The following CXADR variants were observed in gnomAD, a reference collection of about 807,000 sequenced individuals.
CXADR encodes CXADR cell adhesion molecule.
CXADR carries 20 observed loss-of-function variants against 40.3 expected under a neutral mutation model. The observed-to-expected ratio is 0.50, with a 90% CI of 0.35 to 0.72. The LOEUF (loss-of-function observed/expected upper bound fraction) is 0.72. Ranked by LOEUF, CXADR falls within the 30% of genes least tolerant of loss-of-function variation. The pLI, the probability that CXADR is intolerant of heterozygous loss-of-function variation, is 0.01. For missense variants in CXADR, 332 were observed against 449.1 expected (o/e 0.74, Z 2.36); for synonymous variants, 150 against 161.3 (o/e 0.93, Z 0.53).
chr21:17,553,294 C>T (rs2060992992), intron 3 of CXADR, among the ~76,000 whole-genome samples: 1 of 152,196 alleles, frequency 6.6e-6, no homozygotes, highest in African/African-American at 2.4e-5. Flanking sequence ...AACTATTACT[C>T]CTAGAGACTA....
At chr21:17,563,963 GT>G (rs2061164799) in intron 6 of CXADR, among the ~76,000 whole-genome samples, 1 of 72,830 alleles carries the variant, frequency 1.4e-5, no homozygotes, top group Non-Finnish European at 3.4e-5. Flanking sequence ...AAAAAAAAAG[GT>G]ATTGATACAT....
chr21:17,539,880 A>G (rs1318782565), intron 1 of CXADR, among the ~76,000 whole-genome samples: 3 of 152,172 alleles, frequency 2.0e-5, no homozygotes, highest in East Asian at 1.9e-4. Context: ...AGTATACCCT[A>G]TCCATGATGA....
chr21:17,561,332 T>C lies in CXADR; in HGVS notation c.695-6T>C, dbSNP rs1240699043. The C allele has an allele frequency of 3.3e-6, 5 of 1,535,464 alleles. No individual in the cohort carries two copies. Among genetic ancestry groups the C allele is most frequent in the Non-Finnish European group, 4.4e-6 (5 of 1,134,366 alleles). On this transcript the variant is annotated splice_region_variant and splice_polypyrimidine_tract_variant and intron_variant, in intron 5 of 6. Coordinates refer to ENST00000284878, the MANE Select transcript of CXADR (RefSeq NM_001338.5). The stretch of plus-strand genomic sequence containing the variant: ...TATTTTTTACTATTAATTCTTCTTA[T>C]TTTAGCTTCAAATAAAGCTGGACTA...
At chr21:17,573,177 G>T (rs1016054970), downstream of CXADR, among the ~76,000 whole-genome samples, 1 of 151,140 alleles carries the variant, frequency 6.6e-6, no homozygotes, top group African/African-American at 2.5e-5. Context: ...GTCTACCACC[G>T]TGTGTACATT....
chr21:17,529,777 C>T (rs904718657), intron 1 of CXADR, among the ~76,000 whole-genome samples: 1 of 152,052 alleles, frequency 6.6e-6, no homozygotes, highest in Non-Finnish European at 1.5e-5. Flanking sequence ...GCACAGACTA[C>T]CACACAGTTT....
At chr21:17,596,159 C>T (rs144054865), downstream of CXADR, among the ~76,000 whole-genome samples, 385 of 151,670 alleles carry the variant, frequency 2.5e-3, 3 homozygotes, top group Middle Eastern at 0.01. Context: ...GATTTGTGAG[C>T]GATTTTAAAA....
chr21:17,563,944 A>AAC (rs1421691973), intron 6 of CXADR, among the ~76,000 whole-genome samples: 2 of 146,836 alleles, frequency 1.4e-5, no homozygotes, highest in African/African-American at 4.9e-5. Context: ...CTGTCTCAAA[A>AAC]AAAAAAAAAA....
chr21:17,515,757 C>CGGG (rs2123091428), intron 1 of CXADR, among the ~76,000 whole-genome samples: 1 of 151,372 alleles, frequency 6.6e-6, no homozygotes, highest in East Asian at 2.0e-4. Flanking sequence ...AGTGAGCCCA[C>CGGG]ATCGCGCCAC....
downstream of CXADR, among the ~76,000 whole-genome samples, chr21:17,595,654 T>G (rs1038432263): frequency 6.6e-6 from 1 of 152,100 alleles, no homozygotes; most frequent in African/African-American, 2.4e-5. Context: ...CTCCTAGTAA[T>G]GGGACATTGA....
At chr21:17,635,886 G>A in the CXADR span, among the ~76,000 whole-genome samples, 4 of 152,140 alleles carry the variant, frequency 2.6e-5, 1 homozygote, top group East Asian at 3.8e-4. Flanking sequence ...AAGAAATGAC[G>A]TCTTAACAAT....
chr21:17,549,911 C>G (rs1027702627), intron 2 of CXADR, among the ~76,000 whole-genome samples: 1 of 152,154 alleles, frequency 6.6e-6, no homozygotes, highest in Non-Finnish European at 1.5e-5. Context: ...GTCAGTGTTG[C>G]TTTTGACAAG....
the CXADR span, among the ~76,000 whole-genome samples, chr21:17,619,063 A>G: frequency 6.6e-6 from 1 of 152,188 alleles, no homozygotes; most frequent in Admixed American, 6.5e-5. Context: ...TATTCAGTAA[A>G]CCATGCTGTA....
At chr21:17,585,662 C>T (rs964026166) in intron 7 of CXADR, among the ~76,000 whole-genome samples, 29 of 152,038 alleles carry the variant, frequency 1.9e-4, no homozygotes, top group African/African-American at 6.3e-4. Context: ...GGATTACAGG[C>T]GCGTGCCACT....
intron 7 of CXADR, among the ~76,000 whole-genome samples, chr21:17,580,514 T>G (rs1340036386): frequency 1.3e-5 from 2 of 151,984 alleles, no homozygotes; most frequent in Non-Finnish European, 2.9e-5. Flanking sequence ...GAGGCTGAAG[T>G]AGGAGGATCA....
the CXADR span, among the ~76,000 whole-genome samples, chr21:17,632,213 G>A: frequency 5.9e-5 from 9 of 152,294 alleles, no homozygotes; most frequent in East Asian, 1.7e-3. Context: ...CACATAGTGA[G>A]AGATTCAGAG....
intron 7 of CXADR, among the ~76,000 whole-genome samples, chr21:17,585,348 C>A (rs994527572): frequency 6.6e-6 from 1 of 151,904 alleles, no homozygotes; most frequent in African/African-American, 2.4e-5. Context: ...AGGAAAAAAA[C>A]AATGGCGTAA....
chr21:17,605,540 A>G, the CXADR span, among the ~76,000 whole-genome samples: 1 of 152,206 alleles, frequency 6.6e-6, no homozygotes, highest in Non-Finnish European at 1.5e-5. Flanking sequence ...CATTCATATC[A>G]TATACTTATG....
intron 7 of CXADR, among the ~76,000 whole-genome samples, chr21:17,578,336 G>A (rs7276697): frequency 0.027 from 4,078 of 152,294 alleles, 178 homozygotes; most frequent in African/African-American, 0.091. Flanking sequence ...TGACAGGTGT[G>A]AGGTGATAAG....
the CXADR span, among the ~76,000 whole-genome samples, chr21:17,600,928 C>T: frequency 5.5e-4 from 83 of 152,256 alleles, no homozygotes; most frequent in Middle Eastern, 3.4e-3. Flanking sequence ...CTTTGGGAGG[C>T]CAAGGCGGGT....
Sources: allele counts gnomAD v4.1 joint callset (sites outside exome capture counted in the v4.1 genomes callset), GRCh38; gene constraint gnomAD v4.1.1; transcripts MANE v1.5; gene names NCBI Gene and HGNC (gene_info 2026-07-23, HGNC 2026-07-21).